Variants in LRBA observed in about 807,000 individuals in gnomAD.
LRBA encodes the protein LPS responsive beige-like anchor protein, also known as lipopolysaccharide-responsive and beige-like anchor protein.
A neutral mutation model predicts 330.0 loss-of-function variants in LRBA; 176 were observed. That is an observed-to-expected ratio of 0.53 (90% CI 0.47 to 0.60). LRBA has a LOEUF of 0.60. Ranked by LOEUF, LRBA falls within the 20% of genes least tolerant of loss-of-function variation. The probability of loss-of-function intolerance (pLI) is 0.00; values close to 1 mark genes in which losing one functional copy is unlikely to be tolerated. For missense variants in LRBA, 3,259 were observed against 3,444.8 expected, an observed-to-expected ratio of 0.95 and a Z score of 1.35; for synonymous variants, 1,230 against 1,193.0, an observed-to-expected ratio of 1.03 and a Z score of -0.64.
At chr4:150,275,947 G>A (rs1281166596) in intron 56 of LRBA, among the ~76,000 whole-genome samples, 2 of 152,074 alleles carry the variant, frequency 1.3e-5, no homozygotes, top group Non-Finnish European at 2.9e-5. Context: ...AATTTCATAT[G>A]GAACCAAAAA....
chr4:150,445,955 T>C (rs535834490), intron 44 of LRBA, among the ~76,000 whole-genome samples: 84 of 152,244 alleles, frequency 5.5e-4, no homozygotes, highest in South Asian at 4.1e-3. Context: ...GGAAAAATAC[T>C]AAATCTTAAT....
chr4:150,971,956 T>G (rs1032020056), intron 2 of LRBA, among the ~76,000 whole-genome samples: 2 of 152,144 alleles, frequency 1.3e-5, no homozygotes, highest in African/African-American at 4.8e-5. Context: ...AATGCATAAA[T>G]GTATGCCAGT....
intron 17 of LRBA, among the ~76,000 whole-genome samples, chr4:150,881,895 A>G (rs1728436465): frequency 6.6e-6 from 1 of 152,088 alleles, no homozygotes; most frequent in Non-Finnish European, 1.5e-5. Flanking sequence ...GAGACCAGCC[A>G]GACCAACATG....
chr4:150,448,630 C>T (rs1391207472), intron 44 of LRBA, among the ~76,000 whole-genome samples: 1 of 151,782 alleles, frequency 6.6e-6, no homozygotes, highest in African/African-American at 2.4e-5. Context: ...GATGAAACCC[C>T]ATCTCTAATA....
chr4:150,580,019 G>A (rs1561381371), intron 40 of LRBA: 1 of 258,196 alleles, frequency 3.9e-6, no homozygotes. Flanking sequence ...CTCCGGCCCA[G>A]GCAGTTCCCA....
chr4:150,459,566 T>C (rs879399879), intron 44 of LRBA, among the ~76,000 whole-genome samples: 31 of 151,992 alleles, frequency 2.0e-4, no homozygotes, highest in Non-Finnish European at 4.1e-4. Context: ...ACACATTCCT[T>C]ACAGGGTTAT....
chr4:150,652,833 G>C (rs530616381), intron 37 of LRBA, among the ~76,000 whole-genome samples: 1 of 152,140 alleles, frequency 6.6e-6, no homozygotes, highest in African/African-American at 2.4e-5. Context: ...TCAAATTGAG[G>C]TTAGACACCT....
rs188885708 is a variant in LRBA at position 150,414,780 on chromosome 4, C to T, written c.7194+658G>A. Among the ~76,000 whole-genome samples the T allele has an allele frequency of 5.3e-5, 8 of 152,224 alleles. No homozygotes were observed. In the East Asian group the frequency reaches 1.4e-3, roughly 26 times the overall value. On this transcript the variant is annotated intron_variant, in intron 47 of 56. Transcript: ENST00000651943. ...TGCTGGGATTACAGGTGCGAGCCAC[C>T]GCACCCGGCCAAGATTCTACTTTTA... is the stretch of plus-strand genomic sequence containing the variant.
chr4:150,554,755 A>G (rs1767073424), intron 40 of LRBA, among the ~76,000 whole-genome samples: 1 of 152,088 alleles, frequency 6.6e-6, no homozygotes, highest in South Asian at 2.1e-4. Context: ...TTCTTCAACA[A>G]AACATTCTAT....
intron 14 of LRBA, 151 bp downstream of exon 14, chr4:150,899,898 T>C: frequency 1.9e-6 from 1 of 527,524 alleles, no homozygotes; most frequent in East Asian, 3.0e-5. Context: ...GGACAAACTA[T>C]TAACATTATC....
intron 37 of LRBA, among the ~76,000 whole-genome samples, chr4:150,624,662 G>A (rs114405442): frequency 0.017 from 2,612 of 152,006 alleles, 33 homozygotes; most frequent in Non-Finnish European, 0.027. Context: ...TACAACTAAT[G>A]CGTATATAAA....
intron 44 of LRBA, among the ~76,000 whole-genome samples, chr4:150,457,096 T>C (rs533478332): frequency 1.3e-5 from 2 of 152,236 alleles, no homozygotes; most frequent in South Asian, 4.1e-4. Flanking sequence ...AAAAAAACTA[T>C]TTGTCTATTC....
Position 150,639,736 on chromosome 4 carries a change from AATAT to A in LRBA, c.5922-40609_5922-40606del, listed in dbSNP as rs1212252752. On this transcript the variant is annotated intron_variant, in intron 37 of 56. Transcript: ENST00000651943. Reference sequence around the variant, plus strand: ...GAAGATAATCTGAGCCTATGCCCCAAATATATATATATATATATATATATATATA... The same window carrying A: ...GAAGATAATCTGAGCCTATGCCCCAAATATATATATATATATATATATATA... Among the ~76,000 whole-genome samples, 45 of 51,154 alleles carry A rather than the reference AATAT, an allele frequency of 8.8e-4. 3 individuals carry two copies. Among genetic ancestry groups the A allele is most frequent in the African/African-American group, 3.1e-3 (37 of 12,016 alleles). The allele number at this position is 51,154 out of a possible 152,430, so 33.6% of individuals were successfully genotyped here. A position where few individuals can be genotyped will look rare whatever the true frequency, so the allele number is the denominator to read the frequency against.
chr4:150,612,003 G>A (rs536871412), intron 37 of LRBA, among the ~76,000 whole-genome samples: 140 of 152,172 alleles, frequency 9.2e-4, no homozygotes, highest in South Asian at 3.1e-3. Context: ...CGCAGGCTCA[G>A]GTGATCCTCC....
At chr4:150,754,043 G>C (rs1274896911) in intron 35 of LRBA, among the ~76,000 whole-genome samples, 6 of 150,940 alleles carry the variant, frequency 4.0e-5, no homozygotes, top group Admixed American at 2.0e-4. Flanking sequence ...CTCCAGCCTG[G>C]GCAACAAAGT....
intron 44 of LRBA, among the ~76,000 whole-genome samples, chr4:150,457,115 A>T (rs369320107): frequency 1.8e-4 from 28 of 152,160 alleles, no homozygotes; most frequent in East Asian, 7.7e-4. Context: ...TCTAATTTTT[A>T]TATTGCTCCC....
At chr4:150,506,806 C>T (rs1241658548) in intron 40 of LRBA, among the ~76,000 whole-genome samples, 1 of 152,178 alleles carries the variant, frequency 6.6e-6, no homozygotes, top group East Asian at 1.9e-4. Flanking sequence ...TTGCAGATGA[C>T]ATGATTGTAT....
At chr4:150,928,444 T>A in intron 4 of LRBA, 72 bp downstream of exon 4, 1 of 860,674 alleles carries the variant, frequency 1.2e-6, no homozygotes, top group East Asian at 2.5e-5. Context: ...TAATATCAGT[T>A]ACTTTACAAG....
chr4:150,891,727 C>T (rs1560968559), intron 17 of LRBA, among the ~76,000 whole-genome samples: 1 of 152,108 alleles, frequency 6.6e-6, no homozygotes, highest in Non-Finnish European at 1.5e-5. Flanking sequence ...CATGGACACC[C>T]ACGCACACAC....
Sources: gnomAD v4.1 joint callset for allele counts (sites outside exome capture counted in the v4.1 genomes callset) on GRCh38, gnomAD v4.1.1 for gene constraint, MANE v1.5 for transcripts, NCBI Gene and HGNC (gene_info 2026-07-23, HGNC 2026-07-21) for gene names.